MCM5: variants seen among roughly 807,000 people sequenced by gnomAD.
The protein encoded by MCM5 is minichromosome maintenance complex component 5, also known as DNA replication licensing factor MCM5.
A neutral mutation model predicts 79.9 loss-of-function variants in MCM5; 46 were observed. That is an observed-to-expected ratio of 0.58 (90% CI 0.45 to 0.74). The LOEUF (loss-of-function observed/expected upper bound fraction) is 0.74. Ranked by LOEUF, MCM5 falls within the 30% of genes least tolerant of loss-of-function variation. The pLI is 0.00. For synonymous variants in MCM5, 404 were observed against 390.5 expected (o/e 1.03, Z -0.41); for missense variants, 883 against 1,017.0 (o/e 0.87, Z 1.79).
chr22:35,411,379 G>C (rs891585803), intron 7 of MCM5: 1 of 155,380 alleles, frequency 6.4e-6, no homozygotes, highest in Non-Finnish European at 1.4e-5. Flanking sequence ...GCTGGGCCTT[G>C]GGGAAGGTTT....
the MCM5 span, among the ~76,000 whole-genome samples, chr22:35,448,755 G>A: frequency 3.3e-5 from 5 of 152,168 alleles, no homozygotes; most frequent in South Asian, 2.1e-4. Context: ...CAAACAACAC[G>A]CATTATTCTC....
rs2145779033 is a variant in MCM5, at chr22:35,400,225, T to A, written c.-9+17T>A. 1 of 582,210 alleles carries A rather than the reference T, an allele frequency of 1.7e-6. No individual in the cohort carries two copies. Among genetic ancestry groups the A allele is most frequent in the South Asian group, 1.9e-5 (1 of 51,582 alleles). The allele number at this position is 582,210 out of a possible 1,614,324, so 36.1% of individuals were successfully genotyped here. A position where few individuals can be genotyped will look rare whatever the true frequency, so the allele number is the denominator to read the frequency against. On this transcript the variant is annotated intron_variant, in intron 1 of 16. Coordinates refer to ENST00000216122, the MANE Select transcript of MCM5 (RefSeq NM_006739.4). ...AAACCAGAGGTGAGGCTAGTGGGAG[T>A]GGGACTGGGACTGGGAGCCAGCAGG...
At chr22:35,427,666 T>C (rs1932786939), downstream of MCM5, among the ~76,000 whole-genome samples, 1 of 152,092 alleles carries the variant, frequency 6.6e-6, no homozygotes, top group Admixed American at 6.5e-5. Context: ...TCATCTACAT[T>C]AGGTATTTCT....
rs374907481 is a variant in MCM5, at chr22:35,403,502, T to C, written c.383T>C (p.Leu128Pro). 1.2e-6 allele frequency: 2 copies of C among 1,613,994 alleles called. No individual in the cohort carries two copies. Among genetic ancestry groups the C allele is most frequent in the Non-Finnish European group, 1.7e-6 (2 of 1,180,038 alleles). ...GTGCTCCAGGACATCCAGGTCATGCTCAAGTCGGACGCCAGCCCTTCCAGC... is the reference window on the plus strand; with the variant it reads ...GTGCTCCAGGACATCCAGGTCATGCCCAAGTCGGACGCCAGCCCTTCCAGC... ...EEVLQDIQVM[L>P]KSDASPSSIR... Residue 128 changes from leucine to proline, a missense_variant, in exon 4 of 17, where the codon CTC (leucine) becomes CCC (proline). By Grantham distance (98) the Leu-to-Pro change is moderately conservative. Around this residue, in one of 3 missense-constraint regions of MCM5, gnomAD observed 455 missense variants for 517.5 expected, o/e 0.88. Transcript: ENST00000216122.
the MCM5 span, among the ~76,000 whole-genome samples, chr22:35,450,677 C>T: frequency 3.3e-5 from 5 of 152,188 alleles, no homozygotes; most frequent in South Asian, 4.1e-4. Context: ...ACCAACAACC[C>T]GGTCCCCACG....
the MCM5 span, among the ~76,000 whole-genome samples, chr22:35,448,715 C>G: frequency 6.6e-6 from 1 of 152,202 alleles, no homozygotes; most frequent in Non-Finnish European, 1.5e-5. Flanking sequence ...AATAATGCCA[C>G]AAACGAACAC....
downstream of MCM5, among the ~76,000 whole-genome samples, chr22:35,427,828 A>G (rs1192802911): frequency 6.6e-6 from 1 of 152,020 alleles, no homozygotes; most frequent in African/African-American, 2.4e-5. Context: ...TTATAGATCA[A>G]AAACAAGCAT....
At chr22:35,430,886 T>C in the MCM5 span, among the ~76,000 whole-genome samples, 1 of 152,012 alleles carries the variant, frequency 6.6e-6, no homozygotes, top group Non-Finnish European at 1.5e-5. Context: ...TCTCTAGCTT[T>C]GGTCTTTTTA....
rs1178586265 is a variant in MCM5 at position 35,400,606 on chromosome 22, GTGCGGCTCC to G, written c.167+7_167+15del. Reference sequence around the variant, plus strand: ...GCACGGGCTTCACCTTCAAATACAGGTGCGGCTCCTGCGGGGCCGGGGGCTCGAGTTCCA... The same window carrying G: ...GCACGGGCTTCACCTTCAAATACAGGTGCGGGGCCGGGGGCTCGAGTTCCA... On this transcript the variant is annotated splice_donor_variant and splice_donor_5th_base_variant and intron_variant, in intron 2 of 16. Transcript: ENST00000216122. LOFTEE classifies it high-confidence loss of function. 4 of 1,601,936 alleles carry G rather than the reference GTGCGGCTCC, an allele frequency of 2.5e-6. No homozygotes were observed. Among genetic ancestry groups the G allele is most frequent in the Non-Finnish European group, 1.7e-6 (2 of 1,172,674 alleles).
intron 2 of MCM5, chr22:35,401,370 G>A (rs1385401763): frequency 2.1e-6 from 1 of 471,360 alleles, no homozygotes; most frequent in Non-Finnish European, 4.4e-6. Context: ...ATTTATACCA[G>A]TCTTGCACCT....
the MCM5 span, among the ~76,000 whole-genome samples, chr22:35,435,781 C>T: frequency 3.9e-5 from 6 of 152,200 alleles, no homozygotes; most frequent in Non-Finnish European, 7.3e-5. Context: ...CCTGCATCTG[C>T]TGCAGGCCTG....
the MCM5 span, among the ~76,000 whole-genome samples, chr22:35,431,175 T>A: frequency 6.6e-6 from 1 of 152,218 alleles, no homozygotes; most frequent in African/African-American, 2.4e-5. Flanking sequence ...TTCTGGGCAT[T>A]CACCACTGGC....
the MCM5 span, among the ~76,000 whole-genome samples, chr22:35,450,428 C>T: frequency 6.7e-6 from 1 of 149,902 alleles, no homozygotes; most frequent in Non-Finnish European, 1.5e-5. Context: ...CCTCCCCTGT[C>T]CCTTTCCCTC....
rs1418942821 is a variant in MCM5 at position 35,412,590 on chromosome 22, G to A, written c.1000G>A (p.Val334Ile). The change falls in exon 8 of 17, where the codon GTC (valine) becomes ATC (isoleucine). Residue 334 changes from valine (V) to isoleucine (I), a missense_variant. Val to Ile is a conservative substitution (Grantham distance 29, BLOSUM62 3). This residue lies in a region of MCM5 where 455 missense variants were observed against 517.5 expected (regional missense o/e 0.88). Transcript: ENST00000216122. ...RLAALPNVYEVISKSIAPSIF... is the reference protein window; with the variant it reads ...RLAALPNVYEIISKSIAPSIF... ...GGCTGCCCTCCCAAATGTCTATGAGGTCATCTCCAAGAGCATCGCCCCCTC... is the reference window on the plus strand; with the variant it reads ...GGCTGCCCTCCCAAATGTCTATGAGATCATCTCCAAGAGCATCGCCCCCTC... 2 of 1,587,236 alleles carry A rather than the reference G, an allele frequency of 1.3e-6. No homozygotes were observed. The highest frequency in any genetic ancestry group is 2.3e-5 in the East Asian group (1 of 42,866).
chr22:35,412,433 C>T (rs1932409328), intron 7 of MCM5, 77 bp from the exon 8 acceptor site: 3 of 1,299,756 alleles, frequency 2.3e-6, no homozygotes, highest in Admixed American at 5.5e-5. Context: ...TGGGAGGTCC[C>T]TGAGCTGGTG....
chr22:35,401,460 C>T (rs1932048620), intron 2 of MCM5: 1 of 470,868 alleles, frequency 2.1e-6, no homozygotes, highest in African/African-American at 2.0e-5. Context: ...CTGGCTCCTG[C>T]TTCTAGGTGA....
chr22:35,416,822 C>A lies in MCM5; in HGVS notation c.1590+8C>A. 1 of 1,612,440 alleles carries A rather than the reference C, an allele frequency of 6.2e-7. No individual in the cohort carries two copies. The highest frequency in any genetic ancestry group is 8.5e-7 in the Non-Finnish European group (1 of 1,179,288). On this transcript the variant is annotated splice_region_variant and intron_variant, in intron 12 of 16. Coordinates refer to ENST00000216122, the MANE Select transcript of MCM5 (RefSeq NM_006739.4). Reference sequence around the variant, plus strand: ...AATGAGGAGAGGGATGTGGTACGTCCAGGGGCAGGGCTGGTGGCCATGGGA... The same window carrying A: ...AATGAGGAGAGGGATGTGGTACGTCAAGGGGCAGGGCTGGTGGCCATGGGA...
chr22:35,439,474 C>G, the MCM5 span, among the ~76,000 whole-genome samples: 1 of 128,454 alleles, frequency 7.8e-6, no homozygotes, highest in African/African-American at 3.0e-5. Flanking sequence ...CACTCACCCA[C>G]ATATTCATCC....
At chr22:35,416,234 G>T in intron 10 of MCM5, 105 bp from the exon 11 acceptor site, 1 of 1,163,266 alleles carries the variant, frequency 8.6e-7, no homozygotes, top group Non-Finnish European at 1.3e-6. Flanking sequence ...GCCTTGCGTG[G>T]AGCTGGTATT....
Sources: gnomAD v4.1 joint callset for allele counts (sites outside exome capture counted in the v4.1 genomes callset) on GRCh38, gnomAD v4.1.1 for gene constraint, gnomAD v4.1.1 regional missense constraint, MANE v1.5 for transcripts, NCBI Gene and HGNC (gene_info 2026-07-23, HGNC 2026-07-21) for gene names.